Variants in PIKFYVE observed in about 807,000 individuals in gnomAD.
PIKFYVE encodes the protein phosphoinositide kinase, FYVE-type zinc finger containing, also known as 1-phosphatidylinositol 3-phosphate 5-kinase.
Under a neutral mutation model 257.9 loss-of-function variants are expected in PIKFYVE, and 122 were observed. The observed-to-expected ratio is 0.47, with a 90% CI of 0.41 to 0.55. The LOEUF (loss-of-function observed/expected upper bound fraction) is 0.55, where lower values mean the gene tolerates loss of function less well. Ranked by LOEUF, PIKFYVE falls within the 20% of genes least tolerant of loss-of-function variation. PIKFYVE has a pLI of 0.00. For synonymous variants in PIKFYVE, 892 were observed against 868.9 expected (o/e 1.03, Z -0.47); for missense variants, 2,160 against 2,536.6 (o/e 0.85, Z 3.19).
At chr2:208,283,158 T>G (rs1691063135) in intron 5 of PIKFYVE, among the ~76,000 whole-genome samples, 1 of 152,180 alleles carries the variant, frequency 6.6e-6, no homozygotes, top group Non-Finnish European at 1.5e-5. Flanking sequence ...CAGTTATACA[T>G]TGTGACCCTG....
At chr2:208,310,575 C>T (rs924242490) in intron 12 of PIKFYVE, among the ~76,000 whole-genome samples, 19 of 152,136 alleles carry the variant, frequency 1.2e-4, no homozygotes, top group Middle Eastern at 3.2e-3. Context: ...GTGAAAATCA[C>T]GGCTTCCGTA....
rs756420698 is a variant in PIKFYVE, at chr2:208,333,491, C to G, written c.4140C>G (p.Phe1380Leu). The G allele has an allele frequency of 6.2e-7, 1 of 1,613,160 alleles. No homozygotes were observed. The highest frequency in any genetic ancestry group is 8.5e-7 in the Non-Finnish European group (1 of 1,179,372). The change falls in exon 24 of 42, where the codon TTC becomes TTG. Residue 1380 changes from phenylalanine (F) to leucine (L), a missense_variant and splice_region_variant. This residue lies in a region of PIKFYVE where 699 missense variants were observed against 855.8 expected (regional missense o/e 0.82). Coordinates refer to ENST00000264380, the MANE Select transcript of PIKFYVE (RefSeq NM_015040.4). ...YFSYNQMVAS[F>L]SYSPIRLLEV... is the part of the protein sequence containing the mutation. The stretch of plus-strand genomic sequence containing the variant: ...CCTATAACCAGATGGTGGCGTCTTT[C>G]AGGTAAGAAATCCTAGGAATCTTGT...
chr2:208,347,892 G>C lies in PIKFYVE; in HGVS notation c.5243G>C (p.Arg1748Thr). 1 of 1,613,848 alleles carries C rather than the reference G, an allele frequency of 6.2e-7. No individual in the cohort carries two copies. The highest frequency in any genetic ancestry group is 1.1e-5 in the South Asian group (1 of 91,072). Residue 1748 changes from arginine (R) to threonine (T), a missense_variant, in exon 35 of 42, where the codon AGA becomes ACA. By Grantham distance (71) the Arg-to-Thr change is moderately conservative. Coordinates refer to ENST00000264380, the MANE Select transcript of PIKFYVE (RefSeq NM_015040.4). ...KKASGMLSFF[R>T]GTAGKSPDLS... Reference sequence around the variant, plus strand: ...GCTTCTGGAATGTTGTCCTTCTTCAGAGGGACAGCAGGGAAAAGCCCCGAT... The same window carrying C: ...GCTTCTGGAATGTTGTCCTTCTTCACAGGGACAGCAGGGAAAAGCCCCGAT...
intron 6 of PIKFYVE, among the ~76,000 whole-genome samples, chr2:208,286,323 G>A (rs1176457852): frequency 6.6e-6 from 1 of 152,162 alleles, no homozygotes; most frequent in Admixed American, 6.5e-5. Flanking sequence ...GAAGAAGAAT[G>A]CCTGTACAAT....
chr2:208,269,017 A>AC (rs955735256), intron 1 of PIKFYVE, among the ~76,000 whole-genome samples: 1 of 151,994 alleles, frequency 6.6e-6, no homozygotes, highest in Non-Finnish European at 1.5e-5. Flanking sequence ...TGTCTGTGTG[A>AC]CCCCCAAGAA....
At chr2:208,335,164 T>C in intron 24 of PIKFYVE, 142 bp from the exon 25 acceptor site, 1 of 677,368 alleles carries the variant, frequency 1.5e-6, no homozygotes, top group Non-Finnish European at 2.6e-6. Context: ...TAAAAATTAT[T>C]TTTGTGATTG....
chr2:208,353,415 C>T (rs1480263891), intron 39 of PIKFYVE, among the ~76,000 whole-genome samples: 1 of 152,176 alleles, frequency 6.6e-6, no homozygotes, highest in Non-Finnish European at 1.5e-5. Flanking sequence ...ACTCAAGTCC[C>T]CTGTCCTTTG....
At position 208,333,406 on chromosome 2, in the gene PIKFYVE, G is replaced by A. The variant is rs1414346150; in HGVS notation, c.4055G>A (p.Arg1352His). The change falls in exon 24 of 42, where the codon CGC (arginine) becomes CAC (histidine). Residue 1352 changes from arginine (R) to histidine (H), a missense_variant. Arg to His is a conservative substitution (Grantham distance 29). Coordinates refer to ENST00000264380, the MANE Select transcript of PIKFYVE (RefSeq NM_015040.4). ...AGGTTTTATGGGCACCAGTATACTC[G>A]CAGAGCCAACGCTGAGCCCTGTGGT... ...ELRFYGHQYT[R>H]RANAEPCGHS... The A allele has an allele frequency of 1.2e-6, 2 of 1,613,772 alleles. No homozygotes were observed. Among genetic ancestry groups the A allele is most frequent in the East Asian group, 2.2e-5 (1 of 44,886 alleles).
At chr2:208,336,745 T>G in intron 27 of PIKFYVE, 93 bp from the exon 28 acceptor site, 1 of 779,606 alleles carries the variant, frequency 1.3e-6, no homozygotes, top group South Asian at 1.6e-5. Flanking sequence ...GAAAACTTTG[T>G]GATTTCAAAG....
intron 7 of PIKFYVE, among the ~76,000 whole-genome samples, chr2:208,296,130 G>A (rs1342782772): frequency 1.3e-5 from 2 of 151,742 alleles, no homozygotes; most frequent in African/African-American, 4.8e-5. Context: ...TCAGTCTCCC[G>A]CTAGCCTGGG....
rs974213213 is a variant in PIKFYVE at position 208,331,687 on chromosome 2, A to G, written c.3963+993A>G. Among the ~76,000 whole-genome samples the G allele has an allele frequency of 5.3e-5, 8 of 152,258 alleles. No individual in the cohort carries two copies. The South Asian group carries it at 1.2e-3, about 24-fold the overall frequency. On this transcript the variant is annotated intron_variant, in intron 23 of 41. Transcript: ENST00000264380. ...CACAGCGCCTGGCCTTAATTGGGTT[A>G]TTTCAAAGTGTGCTTTTGGAAGGCA...
intron 5 of PIKFYVE, among the ~76,000 whole-genome samples, chr2:208,281,607 C>G (rs892210382): frequency 7.2e-5 from 11 of 152,084 alleles, no homozygotes; most frequent in Non-Finnish European, 1.6e-4. Context: ...GGAGTAGATC[C>G]TGAGTAAAAT....
intron 38 of PIKFYVE, 53 bp from the exon 39 acceptor site, chr2:208,352,596 TATTAA>T (rs1699873343): frequency 1.9e-6 from 3 of 1,571,824 alleles, no homozygotes; most frequent in East Asian, 4.6e-5. Flanking sequence ...CTTATATTGG[TATTAA>T]ATTATAAATA....
At chr2:208,297,699 A>T (rs4675750) in intron 7 of PIKFYVE, among the ~76,000 whole-genome samples, 141,594 of 152,248 alleles carry the variant, frequency 0.93, 66,374 homozygotes, top group Non-Finnish European at 0.98. Context: ...TGAGTTACAT[A>T]TATGTAGTCT....
chr2:208,353,944 A>G lies in PIKFYVE; in HGVS notation c.5891A>G (p.Asp1964Gly), dbSNP rs756889313. Residue 1964 changes from aspartate (D) to glycine (G), a missense_variant, in exon 40 of 42, where the codon GAC (aspartate) becomes GGC (glycine). This residue lies in a region of PIKFYVE where 699 missense variants were observed against 855.8 expected (regional missense o/e 0.82). Coordinates refer to ENST00000264380, the MANE Select transcript of PIKFYVE (RefSeq NM_015040.4). ...CTTAGGAATCGGAATGTAAAAACTG[A>G]CACTGGAAAAGAGAGTTGTGATGTG... ...GSLRNRNVKTDTGKESCDVVL... is the reference protein window; with the variant it reads ...GSLRNRNVKTGTGKESCDVVL... The G allele has an allele frequency of 6.2e-7, 1 of 1,614,060 alleles. No individual in the cohort carries two copies. The highest frequency in any genetic ancestry group is 1.7e-5 in the Admixed American group (1 of 60,008).
At chr2:208,289,575 G>A (rs866969064) in intron 7 of PIKFYVE, among the ~76,000 whole-genome samples, 5 of 151,878 alleles carry the variant, frequency 3.3e-5, no homozygotes, top group East Asian at 3.9e-4. Flanking sequence ...GACTACAGGC[G>A]CCCATCACCA....
intron 17 of PIKFYVE, among the ~76,000 whole-genome samples, chr2:208,321,570 C>CTTTTCTTTTCT (rs1559120628): frequency 2.8e-4 from 3 of 10,598 alleles, no homozygotes; most frequent in Non-Finnish European, 1.7e-3. Flanking sequence ...TTTTTCTTTT[C>CTTTTCTTTTCT]TTTTGTTTTT....
intron 5 of PIKFYVE, among the ~76,000 whole-genome samples, chr2:208,282,971 C>T (rs1318952149): frequency 1.3e-5 from 2 of 152,136 alleles, no homozygotes; most frequent in Admixed American, 6.5e-5. Flanking sequence ...GAATCTAATG[C>T]CACCGCTGAT....
chr2:208,329,752 C>T (rs140382903), intron 21 of PIKFYVE, 90 bp from the exon 22 acceptor site: 25 of 1,552,628 alleles, frequency 1.6e-5, no homozygotes, highest in Non-Finnish European at 2.1e-5. Flanking sequence ...AAGTACCATA[C>T]ATTTAATAGG....
Sources: allele counts gnomAD v4.1 joint callset (sites outside exome capture counted in the v4.1 genomes callset), GRCh38; gene constraint gnomAD v4.1.1; regional missense constraint gnomAD v4.1.1; transcripts MANE v1.5; gene names NCBI Gene and HGNC (gene_info 2026-07-23, HGNC 2026-07-21).